The following KIF6 variants were observed in gnomAD, a reference collection of about 807,000 sequenced individuals.
KIF6 encodes the protein kinesin family member 6.
A neutral mutation model predicts 112.7 loss-of-function variants in KIF6; 106 were observed. The observed-to-expected ratio is 0.94, with a 90% CI of 0.80 to 1.11. The LOEUF (loss-of-function observed/expected upper bound fraction) is 1.11, where lower values mean the gene tolerates loss of function less well. Ranked by LOEUF, KIF6 falls within the 50% of genes least tolerant of loss-of-function variation. The pLI, the probability that KIF6 is intolerant of heterozygous loss-of-function variation, is 0.00. For synonymous variants in KIF6, 339 were observed against 339.9 expected (o/e 1.00, Z 0.03); for missense variants, 929 against 964.0 (o/e 0.96, Z 0.48).
At chr6:39,346,104 C>CCTCTCCCTCT (rs1562113100) in intron 20 of KIF6, among the ~76,000 whole-genome samples, 748 of 40,966 alleles carry the variant, frequency 0.018, 51 homozygotes, top group Non-Finnish European at 0.026. Flanking sequence ...TCTCCCTCCC[C>CCTCTCCCTCT]CCCTCCCTCT....
intron 13 of KIF6, among the ~76,000 whole-genome samples, chr6:39,434,857 C>G (rs1771418785): frequency 6.6e-6 from 1 of 152,076 alleles, no homozygotes. Context: ...GTGTGGATTA[C>G]AAAGGCAACC....
At chr6:39,678,155 G>A (rs955405906) in intron 3 of KIF6, among the ~76,000 whole-genome samples, 3 of 151,736 alleles carry the variant, frequency 2.0e-5, no homozygotes, top group Admixed American at 6.6e-5. Context: ...GGAAACAACA[G>A]GTGCTGGAGA....
intron 14 of KIF6, among the ~76,000 whole-genome samples, chr6:39,430,434 C>T (rs1771070688): frequency 6.6e-6 from 1 of 152,202 alleles, no homozygotes; most frequent in African/African-American, 2.4e-5. Flanking sequence ...TAGACCCCTA[C>T]ATCTGATAGA....
chr6:39,558,491 G>A (rs769826915), intron 10 of KIF6, among the ~76,000 whole-genome samples: 16 of 152,172 alleles, frequency 1.1e-4, no homozygotes, highest in Non-Finnish European at 2.1e-4. Context: ...CATACAAAAA[G>A]ATTTTCTGTG....
intron 19 of KIF6, among the ~76,000 whole-genome samples, chr6:39,357,000 G>A (rs1764742143): frequency 6.6e-6 from 1 of 152,144 alleles, no homozygotes; most frequent in South Asian, 2.1e-4. Context: ...TCCCACTCAG[G>A]AGGCAGGACC....
At chr6:39,583,289 G>T in intron 9 of KIF6, 1 of 411,774 alleles carries the variant, frequency 2.4e-6, no homozygotes. Context: ...GCTTCTGGAA[G>T]GGTAGGGACA....
At chr6:39,541,238 C>G (rs571027586) in intron 12 of KIF6, among the ~76,000 whole-genome samples, 1 of 152,246 alleles carries the variant, frequency 6.6e-6, no homozygotes, top group African/African-American at 2.4e-5. Context: ...GTCATTTGAC[C>G]TTCATCTTCC....
At chr6:39,490,356 G>C (rs1309797041) in intron 13 of KIF6, among the ~76,000 whole-genome samples, 1 of 152,196 alleles carries the variant, frequency 6.6e-6, no homozygotes, top group African/African-American at 2.4e-5. Context: ...CAAGGTAAAA[G>C]TGTGAGTTAT....
intron 5 of KIF6, among the ~76,000 whole-genome samples, chr6:39,628,139 T>C (rs546464124): frequency 6.6e-6 from 1 of 152,226 alleles, no homozygotes; most frequent in East Asian, 1.9e-4. Flanking sequence ...TTTTCCCAAT[T>C]GTAACATCTT....
intron 3 of KIF6, among the ~76,000 whole-genome samples, chr6:39,689,627 C>G (rs901411956): frequency 4.6e-5 from 7 of 152,104 alleles, no homozygotes; most frequent in Non-Finnish European, 1.0e-4. Context: ...GGGCCAGGGT[C>G]TCACTCTGTC....
At chr6:39,539,323 T>C (rs922574730) in intron 13 of KIF6, among the ~76,000 whole-genome samples, 5 of 152,070 alleles carry the variant, frequency 3.3e-5, no homozygotes, top group African/African-American at 1.2e-4. Context: ...ATTAATTTAT[T>C]GTCATTTAAG....
Position 39,634,964 on chromosome 6 carries a change from T to C in KIF6, c.400-6A>G. Reference sequence around the variant, plus strand: ...GTATATATTTTGCTGCTGTCCTGATTGGAAAAGGGAAAGGTATTATTTATC... The same window carrying C: ...GTATATATTTTGCTGCTGTCCTGATCGGAAAAGGGAAAGGTATTATTTATC... On this transcript the variant is annotated splice_region_variant and splice_polypyrimidine_tract_variant and intron_variant, in intron 4 of 22. Transcript: ENST00000287152. 1.4e-6 allele frequency: 2 copies of C among 1,456,290 alleles called. No individual in the cohort carries two copies. The highest frequency in any genetic ancestry group is 1.9e-6 in the Non-Finnish European group (2 of 1,036,672). 90.2% of individuals were successfully genotyped at this position (1,456,290 alleles called of 1,614,324 possible).
At chr6:39,540,352 C>T (rs1014342995) in intron 12 of KIF6, 131 bp from the exon 13 acceptor site, 1 of 630,922 alleles carries the variant, frequency 1.6e-6, no homozygotes, top group Non-Finnish European at 2.7e-6. Context: ...AAGGCTTCAA[C>T]TTCCTGAAGC....
chr6:39,429,719 T>C lies in KIF6; in HGVS notation c.1754+1334A>G, dbSNP rs144292842. On this transcript the variant is annotated intron_variant, in intron 14 of 22. Transcript: ENST00000287152. ...GGTCAGCAGATGAGACCATCGTGGC[T>C]AACACAGTGAAACCCCGTCTCTACT... Among the ~76,000 whole-genome samples the C allele has an allele frequency of 2.6e-3, 395 of 152,236 alleles. 4 individuals carry two copies. The highest frequency in any genetic ancestry group is 4.2e-3 in the Non-Finnish European group (287 of 68,016).
Position 39,725,378 on chromosome 6 carries a change from A to C in KIF6, c.-68T>G. 8.1e-7 allele frequency: 1 copy of C among 1,241,074 alleles called. No individual in the cohort carries two copies. The highest frequency in any genetic ancestry group is 1.2e-6 in the Non-Finnish European group (1 of 858,920). The allele number at this position is 1,241,074 out of a possible 1,614,324, so 76.9% of individuals were successfully genotyped here. On this transcript the variant is annotated 5_prime_UTR_variant, in exon 1 of 23. Coordinates refer to ENST00000287152, the MANE Select transcript of KIF6 (RefSeq NM_145027.6). ...CGGGCTGCCAAAACTAACTCCCACCACCTCCGGCGACCCACAGTCTTAGCA... is the reference window on the plus strand; with the variant it reads ...CGGGCTGCCAAAACTAACTCCCACCCCCTCCGGCGACCCACAGTCTTAGCA...
At chr6:39,656,657 G>T (rs1785802006) in intron 3 of KIF6, among the ~76,000 whole-genome samples, 1 of 152,066 alleles carries the variant, frequency 6.6e-6, no homozygotes, top group African/African-American at 2.4e-5. Context: ...AATTTAAGTT[G>T]TTCTTCCTGT....
chr6:39,337,172 C>CTTTCTTTCTTTCT lies in KIF6; in HGVS notation c.2429-625_2429-624insAGAAAGAAAGAAA, dbSNP rs1554195075. ...TCTCTTTCTTTTCTTTCTTTCCTTCCTTCTTTCTTTCTTTCTTTCTTTCTT... is the reference window on the plus strand; with the variant it reads ...TCTCTTTCTTTTCTTTCTTTCCTTCCTTTCTTTCTTTCTTTCTTTCTTTCTTTCTTTCTTTCTT... On this transcript the variant is annotated intron_variant, in intron 22 of 22. Coordinates refer to ENST00000287152, the MANE Select transcript of KIF6 (RefSeq NM_145027.6). 7.4e-3 allele frequency among the ~76,000 whole-genome samples: 443 copies of CTTTCTTTCTTTCT among 59,476 alleles called. 8 individuals are homozygous for CTTTCTTTCTTTCT. Among genetic ancestry groups the CTTTCTTTCTTTCT allele is most frequent in the East Asian group, 0.015 (35 of 2,398 alleles). 39.0% of individuals were successfully genotyped at this position (59,476 alleles called of 152,430 possible). A position where few individuals can be genotyped will look rare whatever the true frequency, so the allele number is the denominator to read the frequency against.
chr6:39,682,743 A>G (rs1171823506), intron 3 of KIF6, among the ~76,000 whole-genome samples: 2 of 151,960 alleles, frequency 1.3e-5, no homozygotes, highest in African/African-American at 2.4e-5. Context: ...CCATACCCAG[A>G]TAATTTTTGT....
intron 15 of KIF6, among the ~76,000 whole-genome samples, chr6:39,402,988 A>G (rs1768818392): frequency 6.6e-6 from 1 of 151,944 alleles, no homozygotes; most frequent in East Asian, 1.9e-4. Flanking sequence ...ATTCACCACA[A>G]CCTGTATCAT....
Sources: gnomAD v4.1 joint callset for allele counts (sites outside exome capture counted in the v4.1 genomes callset) on GRCh38, gnomAD v4.1.1 for gene constraint, MANE v1.5 for transcripts, NCBI Gene and HGNC (gene_info 2026-07-23, HGNC 2026-07-21) for gene names.